PTPDC1: variants seen among roughly 807,000 people sequenced by gnomAD.
The protein encoded by PTPDC1 is protein tyrosine phosphatase domain-containing protein 1.
A neutral mutation model predicts 75.3 loss-of-function variants in PTPDC1; 53 were observed. That is an observed-to-expected ratio of 0.70 (90% CI 0.56 to 0.88). The LOEUF is 0.88. Ranked by LOEUF, PTPDC1 falls within the 40% of genes least tolerant of loss-of-function variation. PTPDC1 has a pLI of 0.00. For synonymous variants in PTPDC1, 349 were observed against 366.2 expected (o/e 0.95, Z 0.54); for missense variants, 925 against 998.6 (o/e 0.93, Z 0.99).
upstream of PTPDC1, among the ~76,000 whole-genome samples, chr9:94,081,668 C>CA (rs1255490939): frequency 6.6e-5 from 10 of 152,246 alleles, no homozygotes; most frequent in Non-Finnish European, 4.4e-5. Flanking sequence ...AGAGTGGAGG[C>CA]AGAGGCCAGA....
Position 94,087,829 on chromosome 9 carries a change from AG to A in PTPDC1, c.418del. ...CTCACCAGTCCCTCCACCTATTTGC[AG>A]GGTCACTGATAATATACTGGCCATG... On this transcript the variant is annotated splice_acceptor_variant, in intron 2 of 8. Transcript: ENST00000620992. LOFTEE classifies it high-confidence loss of function. 6.2e-7 allele frequency: 1 copy of A among 1,611,768 alleles called. No homozygotes were observed.
chr9:94,053,536 C>T lies in PTPDC1; in HGVS notation c.-6-11198C>T, dbSNP rs1160821427. Among the ~76,000 whole-genome samples the T allele has an allele frequency of 2.6e-5, 4 of 152,232 alleles. No individual in the cohort carries two copies. The South Asian group carries it at 8.3e-4, about 32-fold the overall frequency. On this transcript the variant is annotated intron_variant, in intron 1 of 9. Transcript: ENST00000375360. ...TGGTATTAGGAGGCTGTTTTTATGG[C>T]ATCCGAGCCACATAAACCTAGATAC...
At chr9:94,057,071 A>G (rs1825963388) in intron 1 of PTPDC1, among the ~76,000 whole-genome samples, 1 of 152,166 alleles carries the variant, frequency 6.6e-6, no homozygotes, top group African/African-American at 2.4e-5. Flanking sequence ...TTTTAAGTCA[A>G]AGGAGCTTAG....
intron 1 of PTPDC1, among the ~76,000 whole-genome samples, chr9:94,037,105 A>G (rs1465470406): frequency 1.3e-5 from 2 of 152,254 alleles, no homozygotes; most frequent in African/African-American, 4.8e-5. Flanking sequence ...TTTCTCATTT[A>G]GAATCTTGCC....
chr9:94,063,968 GTTATT>G (rs1190850265), intron 1 of PTPDC1, among the ~76,000 whole-genome samples: 1 of 152,118 alleles, frequency 6.6e-6, no homozygotes, highest in East Asian at 1.9e-4. Context: ...TTTGAATCGT[GTTATT>G]TTATCTTGTA....
intron 2 of PTPDC1, among the ~76,000 whole-genome samples, chr9:94,069,929 A>G (rs1826454911): frequency 6.9e-6 from 1 of 144,000 alleles, no homozygotes; most frequent in Non-Finnish European, 1.5e-5. Flanking sequence ...GGTTCACGCC[A>G]TTCTCCTGCC....
intron 2 of PTPDC1, among the ~76,000 whole-genome samples, chr9:94,068,533 A>C (rs1826399655): frequency 6.6e-6 from 1 of 152,184 alleles, no homozygotes; most frequent in Non-Finnish European, 1.5e-5. Context: ...GGTTATGTTT[A>C]GTTTGATCAC....
intron 4 of PTPDC1, among the ~76,000 whole-genome samples, chr9:94,090,385 G>C (rs1827268472): frequency 6.6e-6 from 1 of 151,206 alleles, no homozygotes; most frequent in South Asian, 2.1e-4. Context: ...AGATCAGATA[G>C]CTGTAGATAT....
At chr9:94,081,404 T>G (rs1333486763), upstream of PTPDC1, among the ~76,000 whole-genome samples, 2 of 152,188 alleles carry the variant, frequency 1.3e-5, no homozygotes, top group African/African-American at 4.8e-5. Context: ...GGCAGGCACC[T>G]GTCATATTGG....
chr9:94,097,106 A>G (rs1176501692), intron 5 of PTPDC1, among the ~76,000 whole-genome samples: 1 of 152,222 alleles, frequency 6.6e-6, no homozygotes, highest in East Asian at 1.9e-4. Context: ...GCGGTGCCAC[A>G]TAGACATTTA....
intron 2 of PTPDC1, among the ~76,000 whole-genome samples, chr9:94,078,329 G>A (rs34169833): frequency 0.3 from 46,022 of 151,982 alleles, 7,229 homozygotes; most frequent in Admixed American, 0.38. Flanking sequence ...TGAATATGTC[G>A]TTCCTCTACT....
At chr9:94,088,847 AT>A (rs1315259308) in intron 4 of PTPDC1, among the ~76,000 whole-genome samples, 1 of 152,158 alleles carries the variant, frequency 6.6e-6, no homozygotes, top group African/African-American at 2.4e-5. Context: ...TAAGAAGCTT[AT>A]TTACACTAGA....
chr9:94,071,426 T>G (rs187004870), intron 2 of PTPDC1, among the ~76,000 whole-genome samples: 20 of 152,330 alleles, frequency 1.3e-4, no homozygotes, highest in Non-Finnish European at 2.8e-4. Context: ...TGCAGATACA[T>G]TCTCCCACTC....
chr9:94,031,394 G>A (rs1829723638), intron 1 of PTPDC1, among the ~76,000 whole-genome samples: 1 of 151,978 alleles, frequency 6.6e-6, no homozygotes, highest in African/African-American at 2.4e-5. Context: ...GATTTTTCAT[G>A]AGAAGTTGAA....
intron 1 of PTPDC1, among the ~76,000 whole-genome samples, chr9:94,052,317 G>A (rs952389028): frequency 6.6e-6 from 1 of 151,984 alleles, no homozygotes; most frequent in African/African-American, 2.4e-5. Context: ...ATTCTGGTGT[G>A]GTCTAAAAAT....
Position 94,084,517 on chromosome 9 carries a change from T to C in PTPDC1, c.-14T>C, listed in dbSNP as rs541490678. On this transcript the variant is annotated 5_prime_UTR_variant, in exon 1 of 9. Coordinates refer to ENST00000620992, the MANE Select transcript of PTPDC1 (RefSeq NM_001253829.2). ...GCTGACTCTTCCTGCCTCCGGCTCT[T>C]GCCTCCCAGTGCCATGCAGGTGCAG... is the stretch of plus-strand genomic sequence containing the variant. 5.0e-6 allele frequency: 8 copies of C among 1,608,700 alleles called. No individual in the cohort carries two copies. The African/African-American group carries it at 1.1e-4, about 21-fold the overall frequency.
rs769289690 is a variant in PTPDC1, at chr9:94,109,765, A to G, written c.*1821A>G. Reference sequence around the variant, plus strand: ...GGCACAACTAAAAATCTAAGCCTGAAACCTGAAAAAAGAGATATGACAAGG... The same window carrying G: ...GGCACAACTAAAAATCTAAGCCTGAGACCTGAAAAAAGAGATATGACAAGG... On this transcript the variant is annotated 3_prime_UTR_variant, in exon 9 of 9. Coordinates refer to ENST00000620992, the MANE Select transcript of PTPDC1 (RefSeq NM_001253829.2). The G allele has an allele frequency of 1.3e-5, 2 of 152,204 alleles. No individual in the cohort carries two copies. Among genetic ancestry groups the G allele is most frequent in the Admixed American group, 6.5e-5 (1 of 15,282 alleles). 9.4% of individuals were successfully genotyped at this position (152,204 alleles called of 1,614,324 possible). A position where few individuals can be genotyped will look rare whatever the true frequency, so the allele number is the denominator to read the frequency against.
chr9:94,043,312 C>G (rs948341095), intron 1 of PTPDC1, among the ~76,000 whole-genome samples: 2 of 152,154 alleles, frequency 1.3e-5, no homozygotes, highest in South Asian at 4.2e-4. Flanking sequence ...TTTGCACATC[C>G]CCTATACTGA....
Position 94,087,847 on chromosome 9 carries a change from C to A in PTPDC1, c.433C>A (p.Leu145Met), listed in dbSNP as rs772986412. 3.7e-6 allele frequency: 6 copies of A among 1,613,614 alleles called. No individual in the cohort carries two copies. In the South Asian group the frequency reaches 6.6e-5, roughly 18 times the overall value. Residue 145 changes from leucine (L) to methionine (M), a missense_variant, in exon 3 of 9, where the codon CTG (leucine) becomes ATG (methionine). Coordinates refer to ENST00000620992, the MANE Select transcript of PTPDC1 (RefSeq NM_001253829.2). ...TATTTGCAGGGTCACTGATAATATA[C>A]TGGCCATGGCCCGCCCATCCTCTGA... ...VYSSWVTDNILAMARPSSELL... is the reference protein window; with the variant it reads ...VYSSWVTDNIMAMARPSSELL...
Sources: allele counts gnomAD v4.1 joint callset (sites outside exome capture counted in the v4.1 genomes callset), GRCh38; gene constraint gnomAD v4.1.1; transcripts MANE v1.5; gene names NCBI Gene and HGNC (gene_info 2026-07-23, HGNC 2026-07-21).